PTPRD: variants seen among roughly 807,000 people sequenced by gnomAD.
PTPRD encodes protein tyrosine phosphatase receptor type D.
PTPRD carries 34 observed loss-of-function variants against 214.5 expected under a neutral mutation model. The observed-to-expected ratio is 0.16, with a 90% CI of 0.12 to 0.21. The LOEUF (loss-of-function observed/expected upper bound fraction) is 0.21. Among genes scored for constraint, PTPRD ranks in the 10% least tolerant of loss-of-function variants. The pLI is 1.00. For synonymous variants in PTPRD, 1,128 were observed against 845.7 expected, an observed-to-expected ratio of 1.33 and a Z score of -5.79; for missense variants, 2,545 against 2,398.7, an observed-to-expected ratio of 1.06 and a Z score of -1.27.
chr9:9,705,010 A>C (rs574656063), intron 7 of PTPRD, among the ~76,000 whole-genome samples: 75 of 152,324 alleles, frequency 4.9e-4, no homozygotes, highest in Non-Finnish European at 8.5e-4. Context: ...GCAACAGATT[A>C]ATGAAGTTAC....
chr9:10,085,801 T>G (rs2098327731), intron 3 of PTPRD, among the ~76,000 whole-genome samples: 1 of 151,892 alleles, frequency 6.6e-6, no homozygotes. Context: ...ATTTTTCAGG[T>G]AAAACATTCT....
intron 14 of PTPRD, among the ~76,000 whole-genome samples, chr9:8,571,647 C>T (rs548434062): frequency 1.3e-5 from 2 of 152,186 alleles, no homozygotes; most frequent in East Asian, 1.9e-4. Flanking sequence ...ATCCTAAATA[C>T]CTCACTTTCA....
chr9:10,120,565 G>T (rs935228736), intron 3 of PTPRD, among the ~76,000 whole-genome samples: 11 of 151,772 alleles, frequency 7.2e-5, no homozygotes, highest in African/African-American at 2.4e-4. Flanking sequence ...TATTATAAAA[G>T]TATTTGTTTA....
chr9:8,943,755 C>A (rs2099047604), intron 11 of PTPRD, among the ~76,000 whole-genome samples: 2 of 151,002 alleles, frequency 1.3e-5, no homozygotes, highest in Admixed American at 1.3e-4. Flanking sequence ...AAAATCAAAT[C>A]TAAATTGGTT....
At chr9:9,796,355 A>G (rs575345102) in intron 5 of PTPRD, among the ~76,000 whole-genome samples, 2 of 152,324 alleles carry the variant, frequency 1.3e-5, no homozygotes, top group East Asian at 3.9e-4. Context: ...TTTGCATAGA[A>G]GACAGCTCAA....
intron 11 of PTPRD, among the ~76,000 whole-genome samples, chr9:8,796,360 T>C (rs913131097): frequency 3.9e-5 from 6 of 152,172 alleles, no homozygotes; most frequent in African/African-American, 1.2e-4. Context: ...TGTGAAACAT[T>C]TGACCTTTAC....
At position 10,493,380 on chromosome 9, in the gene PTPRD, G is replaced by A. The variant is rs2040993555; in HGVS notation, c.-600+119018C>T. 1.3e-5 allele frequency among the ~76,000 whole-genome samples: 2 copies of A among 151,986 alleles called. 1 individual carries two copies. The highest frequency in any genetic ancestry group is 4.1e-4 in the South Asian group (2 of 4,832). ...AAGCCTACAGTAAACAAAACAGCATGGTACTGGTACCAAAACAGATATATA... is the reference window on the plus strand; with the variant it reads ...AAGCCTACAGTAAACAAAACAGCATAGTACTGGTACCAAAACAGATATATA... On this transcript the variant is annotated intron_variant, in intron 2 of 45. Coordinates refer to ENST00000381196, the MANE Select transcript of PTPRD (RefSeq NM_002839.4).
chr9:9,258,414 T>C (rs899994981), intron 9 of PTPRD, among the ~76,000 whole-genome samples: 13 of 150,608 alleles, frequency 8.6e-5, no homozygotes, highest in African/African-American at 2.9e-4. Context: ...TTTAATTCAT[T>C]GCACGCTTCT....
At position 8,418,347 on chromosome 9, in the gene PTPRD, T is replaced by C. The variant is rs537439841; in HGVS notation, c.4087-13687A>G. Among the ~76,000 whole-genome samples, 3 of 152,268 alleles carry C rather than the reference T, an allele frequency of 2.0e-5. No homozygotes were observed. The South Asian group carries it at 6.2e-4, about 32-fold the overall frequency. On this transcript the variant is annotated intron_variant, in intron 35 of 45. Transcript: ENST00000381196. ...CTTCCATGTGTGCCACTATCATGTG[T>C]TACAGACTGGAGCATCCATTTGGCA...
chr9:8,586,612 T>C (rs182398385), intron 14 of PTPRD, among the ~76,000 whole-genome samples: 16 of 152,260 alleles, frequency 1.1e-4, no homozygotes, highest in South Asian at 4.1e-4. Context: ...ACTTTTCATA[T>C]GGGTAAATCA....
At chr9:9,415,856 G>C (rs930561253) in intron 8 of PTPRD, among the ~76,000 whole-genome samples, 18 of 152,128 alleles carry the variant, frequency 1.2e-4, no homozygotes, top group African/African-American at 4.3e-4. Flanking sequence ...TCATTGTCCC[G>C]GTTAGTCGGG....
rs544402649 is a variant in PTPRD at position 10,494,851 on chromosome 9, G to C, written c.-600+117547C>G. On this transcript the variant is annotated intron_variant, in intron 2 of 45. Coordinates refer to ENST00000381196, the MANE Select transcript of PTPRD (RefSeq NM_002839.4). ...TATAATTTTATTCCTAAAAATTCTA[G>C]TATTGGGCAAATTATAGCATATAAT... Among the ~76,000 whole-genome samples the C allele has an allele frequency of 1.1e-4, 17 of 151,466 alleles. No homozygotes were observed. The South Asian group carries it at 3.3e-3, about 30-fold the overall frequency.
intron 9 of PTPRD, among the ~76,000 whole-genome samples, chr9:9,317,020 C>G (rs1255416181): frequency 1.3e-5 from 2 of 152,142 alleles, no homozygotes; most frequent in East Asian, 3.9e-4. Flanking sequence ...AGGAAAGTGT[C>G]TCAAGTGTTC....
At chr9:10,326,357 G>A (rs1465448244) in intron 3 of PTPRD, among the ~76,000 whole-genome samples, 1 of 151,654 alleles carries the variant, frequency 6.6e-6, no homozygotes, top group Non-Finnish European at 1.5e-5. Context: ...CCATTACTTT[G>A]ATATTCTTTG....
chr9:8,426,575 G>A (rs1427750748), intron 35 of PTPRD, among the ~76,000 whole-genome samples: 1 of 152,168 alleles, frequency 6.6e-6, no homozygotes, highest in Non-Finnish European at 1.5e-5. Flanking sequence ...ACATTTTGGA[G>A]AATGTCCAGT....
intron 2 of PTPRD, among the ~76,000 whole-genome samples, chr9:10,460,626 A>T (rs2098951685): frequency 6.6e-6 from 1 of 152,158 alleles, no homozygotes; most frequent in Admixed American, 6.5e-5. Flanking sequence ...TGAGGAAAGG[A>T]CAATGTCTTC....
chr9:10,181,135 A>G (rs1453227029), intron 3 of PTPRD, among the ~76,000 whole-genome samples: 2 of 152,112 alleles, frequency 1.3e-5, no homozygotes, highest in Non-Finnish European at 2.9e-5. Context: ...TTGTTAATGA[A>G]TGATTATGAT....
intron 2 of PTPRD, among the ~76,000 whole-genome samples, chr9:10,533,877 G>C (rs1434357853): frequency 2.6e-5 from 4 of 151,422 alleles, no homozygotes; most frequent in Admixed American, 2.6e-4. Context: ...GCATTTCAGA[G>C]CATATAACTA....
At chr9:9,705,729 T>G (rs980209992) in intron 7 of PTPRD, among the ~76,000 whole-genome samples, 1 of 152,192 alleles carries the variant, frequency 6.6e-6, no homozygotes, top group East Asian at 1.9e-4. Context: ...GTCATACTAA[T>G]GTACAAAAAA....
Sources: allele counts gnomAD v4.1 joint callset (sites outside exome capture counted in the v4.1 genomes callset), GRCh38; gene constraint gnomAD v4.1.1; transcripts MANE v1.5; gene names NCBI Gene and HGNC (gene_info 2026-07-23, HGNC 2026-07-21).